The following STX17 variants were observed in gnomAD, a reference collection of about 807,000 sequenced individuals.
The protein encoded by STX17 is syntaxin-17.
STX17 carries 29 observed loss-of-function variants against 35.9 expected under a neutral mutation model. That is an observed-to-expected ratio of 0.81 (90% CI 0.60 to 1.10). The LOEUF (loss-of-function observed/expected upper bound fraction) is 1.10, where lower values mean the gene tolerates loss of function less well. Among genes scored for constraint, STX17 ranks in the 50% least tolerant of loss-of-function variants. STX17 has a pLI of 0.00. For missense variants in STX17, 312 were observed against 352.3 expected (o/e 0.89, Z 0.92); for synonymous variants, 92 against 118.3 (o/e 0.78, Z 1.44).
chr9:99,970,707 C>T lies in STX17; in HGVS notation c.*2034C>T, dbSNP rs1013903896. On this transcript the variant is annotated 3_prime_UTR_variant, in exon 8 of 8. Transcript: ENST00000259400. ...CTGTGTCATTTAATTCTGAAACTCC[C>T]AGTATTCTACCCTTCTTCATCACTG... 6.6e-6 allele frequency among the ~76,000 whole-genome samples: 1 copy of T among 152,188 alleles called. No individual in the cohort carries two copies. Among genetic ancestry groups the T allele is most frequent in the Admixed American group, 6.5e-5 (1 of 15,272 alleles).
At chr9:99,922,487 A>G (rs1180008445) in intron 2 of STX17, among the ~76,000 whole-genome samples, 1 of 152,256 alleles carries the variant, frequency 6.6e-6, no homozygotes, top group Non-Finnish European at 1.5e-5. Flanking sequence ...CTGTCAAACT[A>G]TAACAACCTA....
At chr9:99,957,489 G>A (rs1400994020) in intron 4 of STX17, among the ~76,000 whole-genome samples, 1 of 152,130 alleles carries the variant, frequency 6.6e-6, no homozygotes, top group East Asian at 1.9e-4. Flanking sequence ...GAAAATGTAA[G>A]TGGTAGGTGT....
At chr9:99,945,212 C>G (rs1294719320) in intron 3 of STX17, among the ~76,000 whole-genome samples, 1 of 152,032 alleles carries the variant, frequency 6.6e-6, no homozygotes, top group Non-Finnish European at 1.5e-5. Flanking sequence ...TTAAAGCTTT[C>G]CCTTATGATT....
At chr9:99,918,502 A>T (rs1009563093) in intron 2 of STX17, among the ~76,000 whole-genome samples, 2 of 147,444 alleles carry the variant, frequency 1.4e-5, no homozygotes, top group Non-Finnish European at 3.0e-5. Context: ...ATCTTTCTAT[A>T]GTTTTTTTTT....
At chr9:99,912,381 T>TA (rs1414799148) in intron 1 of STX17, among the ~76,000 whole-genome samples, 2 of 152,058 alleles carry the variant, frequency 1.3e-5, no homozygotes, top group East Asian at 3.9e-4. Context: ...TGTTGAGCAT[T>TA]AAAAAAAATA....
chr9:99,947,225 C>T (rs1442705887), intron 3 of STX17, among the ~76,000 whole-genome samples: 1 of 152,102 alleles, frequency 6.6e-6, no homozygotes, highest in Non-Finnish European at 1.5e-5. Flanking sequence ...TGAAGCTAAA[C>T]TCAATTATTA....
At chr9:99,946,576 G>A (rs1461779589) in intron 3 of STX17, among the ~76,000 whole-genome samples, 1 of 151,894 alleles carries the variant, frequency 6.6e-6, no homozygotes, top group Non-Finnish European at 1.5e-5. Flanking sequence ...TTTCATTTCT[G>A]TTCATTTCTT....
chr9:99,915,383 C>T (rs760625674), intron 2 of STX17, 21 bp downstream of exon 2: 24 of 1,572,076 alleles, frequency 1.5e-5, no homozygotes, highest in Non-Finnish European at 2.1e-5. Context: ...TCATTTACTA[C>T]CACAAGAAAT....
intron 6 of STX17, among the ~76,000 whole-genome samples, chr9:99,964,580 G>A (rs1346276394): frequency 1.3e-5 from 2 of 152,138 alleles, no homozygotes; most frequent in African/African-American, 2.4e-5. Context: ...ATTGTCAAAT[G>A]TGGGAGGCCT....
At chr9:99,932,065 G>A (rs564183866) in intron 3 of STX17, among the ~76,000 whole-genome samples, 7 of 152,184 alleles carry the variant, frequency 4.6e-5, no homozygotes, top group South Asian at 2.1e-4. Context: ...TTCCCCCTAC[G>A]GCAGGTAGGT....
At position 99,920,221 on chromosome 9, in the gene STX17, T is replaced by C. The variant is rs535052297; in HGVS notation, c.123+4859T>C. On this transcript the variant is annotated intron_variant, in intron 2 of 7. Coordinates refer to ENST00000259400, the MANE Select transcript of STX17 (RefSeq NM_017919.3). ...CATATCCTGTAGTTCTGGCCAGTTATACCTGAGGGAAAACCTGTTTGGGGT... is the reference window on the plus strand; with the variant it reads ...CATATCCTGTAGTTCTGGCCAGTTACACCTGAGGGAAAACCTGTTTGGGGT... 5.3e-5 allele frequency among the ~76,000 whole-genome samples: 8 copies of C among 152,342 alleles called. No homozygotes were observed. In the East Asian group the frequency reaches 1.3e-3, roughly 26 times the overall value.
chr9:99,962,552 A>G (rs771793899), intron 6 of STX17, among the ~76,000 whole-genome samples: 19 of 152,202 alleles, frequency 1.2e-4, no homozygotes, highest in Non-Finnish European at 2.6e-4. Flanking sequence ...ACACATGTAC[A>G]AAGTTCTTAC....
intron 3 of STX17, among the ~76,000 whole-genome samples, chr9:99,948,195 G>T (rs559992721): frequency 7.2e-5 from 11 of 152,186 alleles, no homozygotes; most frequent in African/African-American, 2.6e-4. Flanking sequence ...CACTTAAAAT[G>T]TAGCCAGTTT....
chr9:99,944,346 C>A (rs1027109449), intron 3 of STX17, among the ~76,000 whole-genome samples: 4 of 151,606 alleles, frequency 2.6e-5, no homozygotes, highest in African/African-American at 9.7e-5. Flanking sequence ...ACTTTTTTTG[C>A]AATTGTTTTT....
intron 1 of STX17, among the ~76,000 whole-genome samples, chr9:99,912,349 G>T (rs1045618830): frequency 9.3e-5 from 14 of 151,218 alleles, no homozygotes; most frequent in Admixed American, 3.3e-4. Flanking sequence ...GTTTTTATTT[G>T]CATTTCCCTG....
intron 3 of STX17, among the ~76,000 whole-genome samples, chr9:99,946,359 A>G (rs1473151399): frequency 1.3e-5 from 2 of 152,168 alleles, no homozygotes; most frequent in African/African-American, 4.8e-5. Flanking sequence ...ACCAAGGAAT[A>G]AATGTATATA....
chr9:99,968,692 A>G lies in STX17; in HGVS notation c.*19A>G. On this transcript the variant is annotated 3_prime_UTR_variant, in exon 8 of 8. Transcript: ENST00000259400. ...CAGTTAAAAACCAAATTTCAGTATT[A>G]TTGGTGCCAACATGTCTATCCTGAG... 2 of 1,606,832 alleles carry G rather than the reference A, an allele frequency of 1.2e-6. No individual in the cohort carries two copies. Among genetic ancestry groups the G allele is most frequent in the Non-Finnish European group, 1.7e-6 (2 of 1,176,200 alleles).
At chr9:99,931,680 G>GA (rs796884587) in intron 3 of STX17, among the ~76,000 whole-genome samples, 1 of 152,174 alleles carries the variant, frequency 6.6e-6, no homozygotes, top group East Asian at 1.9e-4. Flanking sequence ...GTTCTTTGTA[G>GA]AAAAAATTTG....
At position 99,928,822 on chromosome 9, in the gene STX17, C is replaced by T. The variant is rs1829045366; in HGVS notation, c.168C>T (p.Ile56=). 1 of 1,613,388 alleles carries T rather than the reference C, an allele frequency of 6.2e-7. No individual in the cohort carries two copies. The highest frequency in any genetic ancestry group is 8.5e-7 in the Non-Finnish European group (1 of 1,179,642). The part of the protein sequence containing the change: ...RIWDKLHEEH[I]NAGRTVQQLR... The stretch of plus-strand genomic sequence containing the variant: ...GGGACAAGTTGCATGAAGAGCATAT[C>T]AATGCAGGACGTACAGTTCAGGTAA... Residue 56 remains isoleucine, a synonymous_variant, in exon 3 of 8, where the codon ATC becomes ATT. Transcript: ENST00000259400.
Sources: gnomAD v4.1 joint callset for allele counts (sites outside exome capture counted in the v4.1 genomes callset) on GRCh38, gnomAD v4.1.1 for gene constraint, MANE v1.5 for transcripts, NCBI Gene and HGNC (gene_info 2026-07-23, HGNC 2026-07-21) for gene names.